The following NRXN1 variants were observed in gnomAD, a reference collection of about 807,000 sequenced individuals.
NRXN1 encodes the protein neurexin 1.
Under a neutral mutation model 150.9 loss-of-function variants are expected in NRXN1, and 39 were observed. That is an observed-to-expected ratio of 0.26 (90% CI 0.20 to 0.34). The LOEUF (loss-of-function observed/expected upper bound fraction) is 0.34. Among genes scored for constraint, NRXN1 ranks in the 10% least tolerant of loss-of-function variants. The pLI, the probability that NRXN1 is intolerant of heterozygous loss-of-function variation, is 1.00. For synonymous variants in NRXN1, 924 were observed against 757.0 expected (o/e 1.22, Z -3.62); for missense variants, 1,815 against 1,949.9 (o/e 0.93, Z 1.30).
At chr2:50,210,649 A>C (rs1188018395) in intron 18 of NRXN1, among the ~76,000 whole-genome samples, 8 of 151,666 alleles carry the variant, frequency 5.3e-5, no homozygotes, top group Admixed American at 5.3e-4. Context: ...TAAAAATAAC[A>C]TTCCCTTTCA....
intron 17 of NRXN1, among the ~76,000 whole-genome samples, chr2:50,394,823 T>C (rs1020998842): frequency 6.6e-6 from 1 of 152,090 alleles, no homozygotes; most frequent in African/African-American, 2.4e-5. Flanking sequence ...CTTCCTGCTC[T>C]TCCTGGCCTC....
intron 18 of NRXN1, among the ~76,000 whole-genome samples, chr2:50,095,417 C>T (rs577016644): frequency 6.6e-6 from 1 of 152,168 alleles, no homozygotes; most frequent in Non-Finnish European, 1.5e-5. Context: ...TATTATAGAC[C>T]TGGTTCTTAT....
intron 21 of NRXN1, among the ~76,000 whole-genome samples, chr2:49,960,751 A>G (rs1046206746): frequency 1.3e-5 from 2 of 152,194 alleles, no homozygotes; most frequent in Non-Finnish European, 2.9e-5. Context: ...TGCAAAAAAC[A>G]TCATTTTATC....
At chr2:50,121,330 A>G (rs1449008404) in intron 18 of NRXN1, among the ~76,000 whole-genome samples, 1 of 152,154 alleles carries the variant, frequency 6.6e-6, no homozygotes, top group Non-Finnish European at 1.5e-5. Flanking sequence ...GCCCAGCCTT[A>G]TTTCACCTCA....
At chr2:49,956,494 CTTTGATTTCA>C (rs1356847800) in intron 21 of NRXN1, among the ~76,000 whole-genome samples, 1 of 152,010 alleles carries the variant, frequency 6.6e-6, no homozygotes, top group Non-Finnish European at 1.5e-5. Context: ...CTCCTTTTCC[CTTTGATTTCA>C]TTTTTTTCAT....
chr2:49,975,657 C>T (rs72887806), intron 21 of NRXN1, among the ~76,000 whole-genome samples: 2,942 of 152,020 alleles, frequency 0.019, 96 homozygotes, highest in African/African-American at 0.067. Flanking sequence ...TCAATAATAA[C>T]GTAATTCTCA....
chr2:50,662,902 A>G (rs1687498588), intron 5 of NRXN1, among the ~76,000 whole-genome samples: 1 of 151,996 alleles, frequency 6.6e-6, no homozygotes, highest in Non-Finnish European at 1.5e-5. Context: ...GAGATGTTGT[A>G]AAATCATTGA....
chr2:49,959,375 A>G (rs1247381219), intron 21 of NRXN1, among the ~76,000 whole-genome samples: 2 of 152,246 alleles, frequency 1.3e-5, no homozygotes, highest in Non-Finnish European at 2.9e-5. Flanking sequence ...GCAGCCATGC[A>G]GGCATCCAGC....
chr2:50,474,839 C>CCCCAAA (rs1558795095), intron 15 of NRXN1, among the ~76,000 whole-genome samples: 32 of 108,818 alleles, frequency 2.9e-4, no homozygotes, highest in South Asian at 9.8e-4. Flanking sequence ...GCCCCCCTAC[C>CCCCAAA]AAAAAAAAAA....
At chr2:50,003,832 C>T (rs1241565001) in intron 21 of NRXN1, among the ~76,000 whole-genome samples, 1 of 152,054 alleles carries the variant, frequency 6.6e-6, no homozygotes, top group Non-Finnish European at 1.5e-5. Context: ...CACTGATAGA[C>T]ATAAAATAAG....
intron 2 of NRXN1, among the ~76,000 whole-genome samples, chr2:51,004,065 G>A (rs1365487351): frequency 2.1e-5 from 3 of 141,530 alleles, no homozygotes; most frequent in African/African-American, 5.9e-5. Flanking sequence ...GTGTGGTGGT[G>A]GGGGAAAAAA....
intron 2 of NRXN1, among the ~76,000 whole-genome samples, chr2:50,985,173 T>C (rs772450286): frequency 6.6e-6 from 1 of 151,942 alleles, no homozygotes; most frequent in Non-Finnish European, 1.5e-5. Flanking sequence ...AAAATTCACA[T>C]GGACAAAAAT....
At chr2:50,499,116 A>G (rs1363054316) in intron 13 of NRXN1, among the ~76,000 whole-genome samples, 1 of 152,196 alleles carries the variant, frequency 6.6e-6, no homozygotes, top group Non-Finnish European at 1.5e-5. Context: ...AAATATCTGT[A>G]AGTAAAATTT....
intron 15 of NRXN1, among the ~76,000 whole-genome samples, chr2:50,494,550 G>T (rs925506632): frequency 6.6e-6 from 1 of 152,096 alleles, no homozygotes; most frequent in African/African-American, 2.4e-5. Context: ...TAGATTTGTG[G>T]GTACAAATAA....
chr2:50,634,939 A>G (rs1321141217), intron 5 of NRXN1, among the ~76,000 whole-genome samples: 1 of 152,092 alleles, frequency 6.6e-6, no homozygotes, highest in Non-Finnish European at 1.5e-5. Flanking sequence ...AGTCAACAAC[A>G]TGAGAGAAAT....
intron 5 of NRXN1, among the ~76,000 whole-genome samples, chr2:50,655,767 T>C (rs895944793): frequency 6.6e-6 from 1 of 151,884 alleles, no homozygotes; most frequent in Admixed American, 6.6e-5. Context: ...ACGTAACTAG[T>C]GTATATGATT....
rs2089554604 is a variant in NRXN1, at chr2:50,472,281, T to C, written c.3244+17A>G. ...GGAATTAGAATTATTTAGAGCATGA[T>C]GACAAAAATCTAATACCTTCACATC... is the stretch of plus-strand genomic sequence containing the variant. On this transcript the variant is annotated intron_variant, in intron 16 of 22. Coordinates refer to ENST00000401669, the MANE Select transcript of NRXN1 (RefSeq NM_001330078.2). 2 of 1,527,110 alleles carry C rather than the reference T, an allele frequency of 1.3e-6. No homozygotes were observed. The highest frequency in any genetic ancestry group is 1.4e-5 in the African/African-American group (1 of 72,164). The allele number at this position is 1,527,110 out of a possible 1,614,324, so 94.6% of individuals were successfully genotyped here.
intron 18 of NRXN1, among the ~76,000 whole-genome samples, chr2:50,135,398 A>G (rs1706233270): frequency 1.3e-5 from 2 of 152,340 alleles, no homozygotes; most frequent in Middle Eastern, 3.4e-3. Context: ...CAAACTGTAG[A>G]GTAAAAGAAG....
chr2:49,947,503 CTTT>C (rs376145888), intron 21 of NRXN1, among the ~76,000 whole-genome samples: 1 of 134,074 alleles, frequency 7.5e-6, no homozygotes, highest in Non-Finnish European at 1.6e-5. Flanking sequence ...TTTTTTCTTT[CTTT>C]TTTTTTTCTT....
Sources: gnomAD v4.1 joint callset for allele counts (sites outside exome capture counted in the v4.1 genomes callset) on GRCh38, gnomAD v4.1.1 for gene constraint, MANE v1.5 for transcripts, NCBI Gene and HGNC (gene_info 2026-07-23, HGNC 2026-07-21) for gene names.